The following PKD2L2 variants were observed in gnomAD, a reference collection of about 807,000 sequenced individuals.
PKD2L2 encodes the protein polycystin-2-like protein 2.
In PKD2L2, 67 loss-of-function variants were observed where a neutral mutation model predicts 83.9. That is an observed-to-expected ratio of 0.80 (90% CI 0.66 to 0.98). The LOEUF (loss-of-function observed/expected upper bound fraction) is 0.98, where lower values mean the gene tolerates loss of function less well. Among genes scored for constraint, PKD2L2 ranks in the 50% least tolerant of loss-of-function variants. The pLI is 0.00. For synonymous variants in PKD2L2, 223 were observed against 237.8 expected, an observed-to-expected ratio of 0.94 and a Z score of 0.57; for missense variants, 632 against 717.2, an observed-to-expected ratio of 0.88 and a Z score of 1.36.
At chr5:137,899,462 A>G in intron 4 of PKD2L2, 54 bp from the exon 5 acceptor site, 1 of 1,183,908 alleles carries the variant, frequency 8.4e-7, no homozygotes, top group African/African-American at 1.5e-5. Flanking sequence ...AATTCTTAGA[A>G]TACTTCTCAG....
intron 14 of PKD2L2, chr5:137,942,063 A>G: frequency 6.3e-7 from 1 of 1,585,652 alleles, no homozygotes; most frequent in Non-Finnish European, 8.7e-7. Context: ...TGAAATGGTA[A>G]AATACTGAAG....
At chr5:137,916,042 CT>C (rs1561692992) in intron 8 of PKD2L2, among the ~76,000 whole-genome samples, 1 of 121,428 alleles carries the variant, frequency 8.2e-6, no homozygotes, top group Non-Finnish European at 1.8e-5. Flanking sequence ...TTTCTTTTTT[CT>C]TTTTTTTAAG....
chr5:137,940,001 G>A (rs1761161828), intron 14 of PKD2L2: 1 of 1,594,232 alleles, frequency 6.3e-7, no homozygotes, highest in Non-Finnish European at 8.5e-7. Context: ...TTTGCTAAAG[G>A]TGGAGAGGAC....
At chr5:137,900,580 A>T (rs1316990211) in intron 5 of PKD2L2, among the ~76,000 whole-genome samples, 1 of 152,208 alleles carries the variant, frequency 6.6e-6, no homozygotes, top group Non-Finnish European at 1.5e-5. Context: ...AAGCAGGGGG[A>T]AGGAAAGGAA....
chr5:137,937,514 C>G (rs796286479), intron 14 of PKD2L2, among the ~76,000 whole-genome samples: 2 of 152,268 alleles, frequency 1.3e-5, no homozygotes, highest in South Asian at 2.1e-4. Context: ...TGTAAGCCCC[C>G]CTACGATAGC....
intron 8 of PKD2L2, among the ~76,000 whole-genome samples, chr5:137,916,995 A>G (rs978067761): frequency 1.3e-5 from 2 of 151,942 alleles, no homozygotes; most frequent in Non-Finnish European, 2.9e-5. Context: ...AGCTCCTTGG[A>G]TGTTTAAATT....
chr5:137,939,187 G>A (rs935571253), intron 14 of PKD2L2: 8 of 152,114 alleles, frequency 5.3e-5, no homozygotes, highest in African/African-American at 1.5e-4. Flanking sequence ...CGTTGTTGTC[G>A]TTGTTTTGGT....
In PKD2L2 at chr5:137,940,527, A is replaced by G. The variant is rs1761369642; in HGVS notation, c.*18-1857A>G. The G allele has an allele frequency of 9.1e-6, 5 of 548,056 alleles. No individual in the cohort carries two copies. In the South Asian group the frequency reaches 1.0e-4, roughly 11 times the overall value. The allele number at this position is 548,056 out of a possible 1,614,324, so 33.9% of individuals were successfully genotyped here. ...CCTCATCCCCAAGGAACACTTCTAA[A>G]ATTTTTGATGGACTTCTCTACTGAT... On this transcript the variant is annotated intron_variant, in intron 14 of 14. Transcript: ENST00000508883.
intron 12 of PKD2L2, among the ~76,000 whole-genome samples, chr5:137,932,491 T>C (rs1314184978): frequency 6.6e-6 from 1 of 152,094 alleles, no homozygotes; most frequent in Non-Finnish European, 1.5e-5. Context: ...TACACAGGTA[T>C]TAAAAGACAG....
At chr5:137,897,494 G>C (rs1346093108) in intron 4 of PKD2L2, among the ~76,000 whole-genome samples, 1 of 152,090 alleles carries the variant, frequency 6.6e-6, no homozygotes, top group African/African-American at 2.4e-5. Flanking sequence ...CTCATAACAA[G>C]TACAAATACT....
chr5:137,936,656 T>C (rs536792963), intron 14 of PKD2L2, among the ~76,000 whole-genome samples: 2 of 152,284 alleles, frequency 1.3e-5, no homozygotes, highest in East Asian at 3.9e-4. Flanking sequence ...GAGGTTTCAC[T>C]GTGTCAGCCA....
intron 8 of PKD2L2, among the ~76,000 whole-genome samples, chr5:137,915,839 ATGTATTTACCTTTACTAAGAAC>A (rs1758280271): frequency 6.6e-6 from 1 of 152,210 alleles, no homozygotes; most frequent in African/African-American, 2.4e-5. Context: ...ATAATTGCTC[ATGTATTTACCTTTACTAAGAAC>A]TGTGTTCCTT....
At chr5:137,910,978 TC>T (rs1264592160) in intron 8 of PKD2L2, among the ~76,000 whole-genome samples, 1 of 152,176 alleles carries the variant, frequency 6.6e-6, no homozygotes, top group Non-Finnish European at 1.5e-5. Context: ...ATATATAACA[TC>T]AAATTTACCA....
At position 137,921,775 on chromosome 5, in the gene PKD2L2, C is replaced by T; in HGVS notation, c.1449+19C>T. The T allele has an allele frequency of 6.5e-7, 1 of 1,534,742 alleles. No homozygotes were observed. The highest frequency in any genetic ancestry group is 8.9e-7 in the Non-Finnish European group (1 of 1,127,228). On this transcript the variant is annotated intron_variant, in intron 9 of 14. Coordinates refer to ENST00000508883, the MANE Select transcript of PKD2L2 (RefSeq NM_001300921.2). ...CCTGCTGGTAAGAATAATACATATT[C>T]CTTTCATTTCTTACTTTTTAGAATA...
intron 12 of PKD2L2, among the ~76,000 whole-genome samples, chr5:137,931,977 C>A (rs529321993): frequency 3.3e-5 from 5 of 152,138 alleles, no homozygotes; most frequent in African/African-American, 9.6e-5. Flanking sequence ...TAATAGAAGA[C>A]CTTATTTGTA....
rs1266314205 is a variant in PKD2L2 at position 137,908,838 on chromosome 5, T to C, written c.1220T>C (p.Ile407Thr). 1.9e-6 allele frequency: 3 copies of C among 1,591,674 alleles called. No homozygotes were observed. Among genetic ancestry groups the C allele is most frequent in the Non-Finnish European group, 1.7e-6 (2 of 1,160,088 alleles). The part of the protein sequence containing the change: ...SSTLSRCVKD[I>T]VGFAIMFFII... ...ACCTTGTCCCGTTGTGTTAAAGACA[T>C]AGTAGGATTTGCCATCATGTTTTTT... Residue 407 changes from isoleucine (I) to threonine (T), a missense_variant, in exon 8 of 15, where the codon ATA (isoleucine) becomes ACA (threonine). Physicochemically the swap from Ile to Thr is moderately conservative, Grantham distance 89. Transcript: ENST00000508883.
Position 137,901,018 on chromosome 5 carries a change from C to G in PKD2L2, c.746+1281C>G, listed in dbSNP as rs140387712. On this transcript the variant is annotated intron_variant, in intron 5 of 14. Transcript: ENST00000508883. ...CGGGCGTGGTGGCACAGCCTGTAAT[C>G]CCAGCTACTCAGAAGGCTGAGCTGG... 3.6e-3 allele frequency among the ~76,000 whole-genome samples: 544 copies of G among 152,066 alleles called. 6 individuals are homozygous for G. Among genetic ancestry groups the G allele is most frequent in the Middle Eastern group, 0.01 (3 of 294 alleles).
chr5:137,928,893 A>G lies in PKD2L2; in HGVS notation c.1671+2964A>G, dbSNP rs530546160. 2.0e-5 allele frequency among the ~76,000 whole-genome samples: 3 copies of G among 152,252 alleles called. No individual in the cohort carries two copies. The South Asian group carries it at 6.2e-4, about 32-fold the overall frequency. On this transcript the variant is annotated intron_variant, in intron 12 of 14. Transcript: ENST00000508883. Reference sequence around the variant, plus strand: ...CCAGCCCTATTTTATTGATTTTAAAACACATTTTTTTTCACATTTTAACAT... The same window carrying G: ...CCAGCCCTATTTTATTGATTTTAAAGCACATTTTTTTTCACATTTTAACAT...
At chr5:137,898,124 G>A (rs1319396991) in intron 4 of PKD2L2, among the ~76,000 whole-genome samples, 2 of 151,920 alleles carry the variant, frequency 1.3e-5, no homozygotes, top group African/African-American at 2.4e-5. Flanking sequence ...GCGCCACCAC[G>A]CCCAGCTAAT....
Sources: gnomAD v4.1 joint callset for allele counts (sites outside exome capture counted in the v4.1 genomes callset) on GRCh38, gnomAD v4.1.1 for gene constraint, MANE v1.5 for transcripts, NCBI Gene and HGNC (gene_info 2026-07-23, HGNC 2026-07-21) for gene names.